The following C8orf88 variants were observed in gnomAD, a reference collection of about 807,000 sequenced individuals.
C8orf88 encodes uncharacterized protein C8orf88.
C8orf88 carries 14 observed loss-of-function variants against 18.4 expected under a neutral mutation model. The ratio of observed to expected loss-of-function variants is 0.76; its 90% CI spans 0.50 to 1.19. C8orf88 has a LOEUF of 1.19. C8orf88 is among the 50% of genes most tolerant of loss of function. The pLI, the probability that C8orf88 is intolerant of heterozygous loss-of-function variation, is 0.00. For missense variants in C8orf88, 116 were observed against 134.7 expected (o/e 0.86, Z 0.69); for synonymous variants, 45 against 42.9 (o/e 1.05, Z -0.19).
At chr8:90,984,801 C>T (rs1191419845) in intron 1 of C8orf88, among the ~76,000 whole-genome samples, 1 of 152,176 alleles carries the variant, frequency 6.6e-6, no homozygotes, top group Non-Finnish European at 1.5e-5. Flanking sequence ...GGGGCAGAGC[C>T]AAGGGGAGCT....
rs564642904 is a variant in C8orf88, at chr8:90,974,325, G to A, written c.148-3184C>T. 2.6e-5 allele frequency among the ~76,000 whole-genome samples: 4 copies of A among 152,246 alleles called. No homozygotes were observed. In the East Asian group the frequency reaches 5.8e-4, roughly 22 times the overall value. On this transcript the variant is annotated intron_variant, in intron 3 of 5. Coordinates refer to ENST00000517562, the MANE Select transcript of C8orf88 (RefSeq NM_001190972.2). Reference sequence around the variant, plus strand: ...ATTAGTCTTGGAACCCAGATATAGTGTTATAAGAAGCCCAAGCCACTTGGA... The same window carrying A: ...ATTAGTCTTGGAACCCAGATATAGTATTATAAGAAGCCCAAGCCACTTGGA...
intron 3 of C8orf88, among the ~76,000 whole-genome samples, chr8:90,977,882 G>A (rs1398930887): frequency 6.6e-6 from 1 of 152,170 alleles, no homozygotes; most frequent in Non-Finnish European, 1.5e-5. Flanking sequence ...TGGAGGTGGA[G>A]GTTGCAGTGA....
chr8:90,968,861 C>T (rs1811243624), intron 4 of C8orf88, among the ~76,000 whole-genome samples: 1 of 150,292 alleles, frequency 6.7e-6, no homozygotes, highest in African/African-American at 2.4e-5. Flanking sequence ...TAGAAATAGC[C>T]AACAAGCACA....
In C8orf88 at chr8:90,971,809, G is replaced by C. The variant is rs115594434; in HGVS notation, c.148-668C>G. Among the ~76,000 whole-genome samples the C allele has an allele frequency of 1.7e-3, 253 of 151,946 alleles. 1 individual carries two copies. Among genetic ancestry groups the C allele is most frequent in the African/African-American group, 5.9e-3 (246 of 41,470 alleles). ...CTAAATCTTTTTCTTCTGATCCCAT[G>C]CTCACCAAGACATACTCAGATTCAA... On this transcript the variant is annotated intron_variant, in intron 3 of 5. Coordinates refer to ENST00000517562, the MANE Select transcript of C8orf88 (RefSeq NM_001190972.2).
At chr8:90,965,953 C>T (rs1015700792) in intron 4 of C8orf88, among the ~76,000 whole-genome samples, 13 of 151,600 alleles carry the variant, frequency 8.6e-5, no homozygotes, top group Non-Finnish European at 1.6e-4. Context: ...TCTAACATTA[C>T]ACATTAAGGA....
chr8:90,960,434 G>C (rs1205344961), intron 5 of C8orf88, among the ~76,000 whole-genome samples: 1 of 151,214 alleles, frequency 6.6e-6, no homozygotes, highest in Non-Finnish European at 1.5e-5. Context: ...TCACATCATA[G>C]AGTAAAATTA....
At chr8:90,971,952 A>G (rs1434879363) in intron 3 of C8orf88, among the ~76,000 whole-genome samples, 1 of 152,106 alleles carries the variant, frequency 6.6e-6, no homozygotes, top group African/African-American at 2.4e-5. Flanking sequence ...TTCTGATTTT[A>G]TAAACCAGTT....
chr8:90,974,892 C>G (rs1031278253), intron 3 of C8orf88, among the ~76,000 whole-genome samples: 1 of 152,008 alleles, frequency 6.6e-6, no homozygotes, highest in African/African-American at 2.4e-5. Flanking sequence ...AAAAAAGTTG[C>G]TAGATCTAAT....
chr8:90,964,986 G>A (rs1811174467), intron 4 of C8orf88, among the ~76,000 whole-genome samples: 2 of 151,250 alleles, frequency 1.3e-5, no homozygotes, highest in African/African-American at 4.8e-5. Context: ...ACGTATAGAA[G>A]ACAAATAGCA....
rs1436588782 is a variant in C8orf88 at position 90,960,792 on chromosome 8, T to G, written c.280A>C (p.Arg94=). 4 of 1,531,598 alleles carry G rather than the reference T, an allele frequency of 2.6e-6. No homozygotes were observed. The highest frequency in any genetic ancestry group is 3.5e-6 in the Non-Finnish European group (4 of 1,143,798). The allele number at this position is 1,531,598 out of a possible 1,614,324, so 94.9% of individuals were successfully genotyped here. ...TCAGGCAGAAAGTCTGGTTTTTTTC[T>G]GCAGATGGAAACACTTGAGAGCTTC... is the stretch of plus-strand genomic sequence containing the variant. The part of the protein sequence containing the change: ...LLKLSSVSIC[R]KKPDFLPDHP... The change falls in exon 5 of 6, where the codon AGA becomes CGA. Residue 94 remains arginine (R), a synonymous_variant. Transcript: ENST00000517562.
At chr8:90,976,321 T>C (rs180709010) in intron 3 of C8orf88, among the ~76,000 whole-genome samples, 104 of 152,268 alleles carry the variant, frequency 6.8e-4, no homozygotes, top group African/African-American at 2.5e-3. Context: ...CAAGTATCTC[T>C]AACATAGGTT....
At chr8:90,979,743 A>C (rs577248814) in intron 2 of C8orf88, among the ~76,000 whole-genome samples, 1 of 152,350 alleles carries the variant, frequency 6.6e-6, no homozygotes, top group South Asian at 2.1e-4. Context: ...ACAAGTAATG[A>C]ACAGAATTAA....
intron 1 of C8orf88, among the ~76,000 whole-genome samples, chr8:90,982,871 G>A (rs1040519702): frequency 6.6e-6 from 1 of 151,898 alleles, no homozygotes; most frequent in African/African-American, 2.4e-5. Flanking sequence ...TAATGAAAAA[G>A]GTTAAGTATT....
At chr8:90,962,898 C>T (rs1305248450) in intron 4 of C8orf88, among the ~76,000 whole-genome samples, 2 of 151,288 alleles carry the variant, frequency 1.3e-5, no homozygotes, top group Non-Finnish European at 3.0e-5. Flanking sequence ...CAAAAAGTTT[C>T]GGAGGAAAAA....
chr8:90,968,291 C>T (rs1409932448), intron 4 of C8orf88, among the ~76,000 whole-genome samples: 1 of 151,596 alleles, frequency 6.6e-6, no homozygotes, highest in African/African-American at 2.4e-5. Context: ...CTATAGTCAA[C>T]TGATTTTCAA....
intron 2 of C8orf88, among the ~76,000 whole-genome samples, chr8:90,979,420 A>G (rs1203240893): frequency 6.6e-6 from 1 of 152,234 alleles, no homozygotes; most frequent in Non-Finnish European, 1.5e-5. Flanking sequence ...AGAAGTATAC[A>G]GAATCAGCAT....
At position 90,962,406 on chromosome 8, in the gene C8orf88, G is replaced by A. The variant is rs1428532617; in HGVS notation, c.224-1558C>T. ...AAGTCAGGGAAAATAGCCAAGTAGA[G>A]AACTCTAAAAGTCTTTCACTCCACA... On this transcript the variant is annotated intron_variant, in intron 4 of 5. Transcript: ENST00000517562. 1.5e-4 allele frequency among the ~76,000 whole-genome samples: 23 copies of A among 151,322 alleles called. No homozygotes were observed. In the Admixed American group the frequency reaches 1.5e-3, roughly 10 times the overall value.
At chr8:90,978,544 T>C (rs527680656) in intron 3 of C8orf88, 35 bp downstream of exon 3, 2 of 1,339,918 alleles carry the variant, frequency 1.5e-6, no homozygotes, top group East Asian at 5.1e-5. Flanking sequence ...TTCCAATCTA[T>C]AATATTTCCT....
At chr8:90,967,437 C>G (rs974494104) in intron 4 of C8orf88, among the ~76,000 whole-genome samples, 1 of 151,746 alleles carries the variant, frequency 6.6e-6, no homozygotes, top group African/African-American at 2.4e-5. Context: ...GGAAGTGTTA[C>G]CCCTCTTCAT....
Sources: gnomAD v4.1 joint callset for allele counts (sites outside exome capture counted in the v4.1 genomes callset) on GRCh38, gnomAD v4.1.1 for gene constraint, MANE v1.5 for transcripts, NCBI Gene and HGNC (gene_info 2026-07-23, HGNC 2026-07-21) for gene names.